ZNF385D: variants seen among roughly 807,000 people sequenced by gnomAD.
ZNF385D encodes the protein zinc finger protein 659.
ZNF385D carries 15 observed loss-of-function variants against 35.8 expected under a neutral mutation model. That is an observed-to-expected ratio of 0.42 (90% CI 0.28 to 0.64). The LOEUF (loss-of-function observed/expected upper bound fraction) is 0.64. Ranked by LOEUF, ZNF385D falls within the 30% of genes least tolerant of loss-of-function variation. The pLI is 0.23. For missense variants in ZNF385D, 474 were observed against 494.6 expected (o/e 0.96, Z 0.39); for synonymous variants, 212 against 186.8 (o/e 1.13, Z -1.10).
intron 3 of ZNF385D, among the ~76,000 whole-genome samples, chr3:21,767,893 A>G (rs970390494): frequency 1.3e-5 from 2 of 152,230 alleles, no homozygotes; most frequent in South Asian, 2.1e-4. Context: ...TATTATCTTG[A>G]ACATTCATAG....
At chr3:21,624,581 C>T (rs575111912) in intron 2 of ZNF385D, among the ~76,000 whole-genome samples, 54 of 152,010 alleles carry the variant, frequency 3.6e-4, no homozygotes, top group Non-Finnish European at 5.7e-4. Flanking sequence ...GGTGGAAATC[C>T]GGGCAGCTGG....
chr3:22,367,050 G>T (rs1345696658), intron 2 of ZNF385D, among the ~76,000 whole-genome samples: 4 of 152,148 alleles, frequency 2.6e-5, no homozygotes, highest in African/African-American at 7.2e-5. Context: ...AATTTTGAAA[G>T]AATATATTCT....
At chr3:21,815,335 A>G (rs1482203604) in intron 3 of ZNF385D, among the ~76,000 whole-genome samples, 4 of 152,234 alleles carry the variant, frequency 2.6e-5, no homozygotes, top group African/African-American at 7.2e-5. Context: ...AACTAAGATC[A>G]GAGCAGAACT....
At chr3:21,765,968 G>A (rs1217125091) in intron 3 of ZNF385D, among the ~76,000 whole-genome samples, 2 of 152,084 alleles carry the variant, frequency 1.3e-5, no homozygotes, top group Admixed American at 1.3e-4. Context: ...AAACTAGTAA[G>A]AGCCATGGTC....
intron 1 of ZNF385D, among the ~76,000 whole-genome samples, chr3:21,670,782 C>G (rs1023836308): frequency 6.0e-5 from 9 of 150,292 alleles, no homozygotes; most frequent in Non-Finnish European, 1.0e-4. Flanking sequence ...TATACCCCCT[C>G]CCTCACTAAC....
At chr3:21,852,534 G>A (rs1696447045) in intron 3 of ZNF385D, among the ~76,000 whole-genome samples, 1 of 151,912 alleles carries the variant, frequency 6.6e-6, no homozygotes, top group South Asian at 2.1e-4. Flanking sequence ...TGCTAAATGT[G>A]TGATTGGTAG....
chr3:21,888,958 A>G (rs1346574310), intron 3 of ZNF385D, among the ~76,000 whole-genome samples: 1 of 152,228 alleles, frequency 6.6e-6, no homozygotes, highest in South Asian at 2.1e-4. Context: ...CCTTACACCA[A>G]TAAAAGAGGC....
intron 3 of ZNF385D, among the ~76,000 whole-genome samples, chr3:21,779,394 T>C (rs139968600): frequency 8.0e-4 from 122 of 152,044 alleles, no homozygotes; most frequent in Non-Finnish European, 1.5e-3. Flanking sequence ...TTTTGTCTGC[T>C]TTATAAAAAT....
chr3:22,189,145 C>G (rs1333006509), intron 2 of ZNF385D, among the ~76,000 whole-genome samples: 1 of 152,076 alleles, frequency 6.6e-6, no homozygotes, highest in Admixed American at 6.6e-5. Flanking sequence ...TTAAGTTTTG[C>G]TCATATACTA....
chr3:21,567,707 A>T (rs1183440292), intron 2 of ZNF385D, among the ~76,000 whole-genome samples: 2 of 152,344 alleles, frequency 1.3e-5, no homozygotes, highest in East Asian at 3.9e-4. Flanking sequence ...CCATTAAGGA[A>T]TATTGAAGTC....
intron 3 of ZNF385D, among the ~76,000 whole-genome samples, chr3:22,080,762 G>T (rs947383538): frequency 4.6e-5 from 7 of 152,208 alleles, no homozygotes; most frequent in African/African-American, 1.7e-4. Context: ...GGGGCAATTA[G>T]ATTATGAGGG....
At chr3:21,856,040 A>G (rs1696695286) in intron 3 of ZNF385D, among the ~76,000 whole-genome samples, 1 of 152,010 alleles carries the variant, frequency 6.6e-6, no homozygotes, top group Admixed American at 6.6e-5. Flanking sequence ...CTGTGTGTGT[A>G]ACTTGGTTTT....
At chr3:21,938,274 T>G (rs6550633) in intron 3 of ZNF385D, among the ~76,000 whole-genome samples, 82,636 of 152,026 alleles carry the variant, frequency 0.54, 24,268 homozygotes, top group Non-Finnish European at 0.66. Flanking sequence ...AAGAACGTTT[T>G]TGTGACTGAC....
chr3:22,106,579 G>C (rs766449650), intron 3 of ZNF385D, among the ~76,000 whole-genome samples: 51 of 152,072 alleles, frequency 3.4e-4, no homozygotes, highest in Non-Finnish European at 6.0e-4. Context: ...TAGTCAGCTT[G>C]AGTCTCTCTC....
chr3:22,333,250 AGT>A (rs1695019095), intron 2 of ZNF385D, among the ~76,000 whole-genome samples: 1 of 152,060 alleles, frequency 6.6e-6, no homozygotes, highest in South Asian at 2.1e-4. Context: ...GGCTTTCAGG[AGT>A]GTGTTTGTAT....
At chr3:22,240,099 C>T (rs1164589364) in intron 2 of ZNF385D, among the ~76,000 whole-genome samples, 1 of 148,198 alleles carries the variant, frequency 6.7e-6, no homozygotes, top group Non-Finnish European at 1.5e-5. Context: ...GGGAGGATCA[C>T]CTGAGCCCAG....
intron 1 of ZNF385D, among the ~76,000 whole-genome samples, chr3:21,720,132 G>C (rs2068480256): frequency 6.6e-6 from 1 of 152,150 alleles, no homozygotes; most frequent in Admixed American, 6.5e-5. Flanking sequence ...GTATGGCCTG[G>C]GCATTGGAAT....
At chr3:21,496,535 A>G (rs1705895937) in intron 4 of ZNF385D, among the ~76,000 whole-genome samples, 1 of 96,962 alleles carries the variant, frequency 1.0e-5, no homozygotes, top group South Asian at 2.6e-4. Context: ...TTTGATATAT[A>G]TATCATATAT....
intron 4 of ZNF385D, among the ~76,000 whole-genome samples, chr3:21,453,911 C>T (rs912493997): frequency 1.3e-5 from 2 of 151,930 alleles, no homozygotes; most frequent in Non-Finnish European, 2.9e-5. Context: ...TACATGTATA[C>T]TCATAGCAGC....
Sources: gnomAD v4.1 joint callset for allele counts (sites outside exome capture counted in the v4.1 genomes callset) on GRCh38, gnomAD v4.1.1 for gene constraint, MANE v1.5 for transcripts, NCBI Gene and HGNC (gene_info 2026-07-23, HGNC 2026-07-21) for gene names.